Variants in SPDYE12 observed in about 807,000 individuals in gnomAD.
SPDYE12 encodes speedy protein E12.
At chr7:74,906,319 C>T in the SPDYE12 span, among the ~76,000 whole-genome samples, 4 of 129,998 alleles carry the variant, frequency 3.1e-5, no homozygotes, top group South Asian at 7.2e-4. Flanking sequence ...TGAACCTCCC[C>T]GAACTCAGTA....
chr7:74,909,032 G>GTTTTTTTTTTTTTTT, the SPDYE12 span, among the ~76,000 whole-genome samples: 1 of 30,336 alleles, frequency 3.3e-5, no homozygotes, highest in Non-Finnish European at 6.2e-5. Context: ...TTTTTTGCCT[G>GTTTTTTTTTTTTTTT]GTTTTTTTTT....
the SPDYE12 span, among the ~76,000 whole-genome samples, chr7:74,905,977 A>G: frequency 6.7e-6 from 1 of 149,982 alleles, no homozygotes; most frequent in Non-Finnish European, 1.5e-5. Context: ...CCAAAACTTA[A>G]TACACCCAAG....
the SPDYE12 span, among the ~76,000 whole-genome samples, chr7:74,912,863 G>A: frequency 5.6e-5 from 6 of 106,486 alleles, no homozygotes; most frequent in East Asian, 3.6e-4. Context: ...GCACGATCTC[G>A]GCTCACTGCA....
the SPDYE12 span, among the ~76,000 whole-genome samples, chr7:74,908,033 C>G: frequency 6.6e-6 from 1 of 150,894 alleles, no homozygotes; most frequent in Non-Finnish European, 1.5e-5. Flanking sequence ...ATCCCAATGT[C>G]ACGTTATAAT....
At chr7:74,907,714 C>T in the SPDYE12 span, among the ~76,000 whole-genome samples, 1 of 148,708 alleles carries the variant, frequency 6.7e-6, no homozygotes, top group African/African-American at 2.5e-5. Flanking sequence ...CTGAGAGACA[C>T]AGCAACACTC....
At chr7:74,909,048 T>C in the SPDYE12 span, among the ~76,000 whole-genome samples, 4 of 143,928 alleles carry the variant, frequency 2.8e-5, no homozygotes, top group African/African-American at 1.1e-4. Flanking sequence ...TTTTTTTTTT[T>C]TTGGCTTTTT....
At chr7:74,906,164 C>T in the SPDYE12 span, among the ~76,000 whole-genome samples, 3 of 129,194 alleles carry the variant, frequency 2.3e-5, 1 homozygote, top group African/African-American at 1.1e-4. Context: ...TCACGAACCA[C>T]GAGTCCAGAA....
At chr7:74,909,373 A>C in the SPDYE12 span, 1 of 1,452,114 alleles carries the variant, frequency 6.9e-7, no homozygotes, top group Non-Finnish European at 9.6e-7. Flanking sequence ...TTTTAGAAAT[A>C]ACAGTCTAAG....
At chr7:74,909,384 A>G in the SPDYE12 span, 2 of 1,435,046 alleles carry the variant, frequency 1.4e-6, no homozygotes, top group Non-Finnish European at 1.9e-6. Flanking sequence ...ACAGTCTAAG[A>G]TACTATAATC....
chr7:74,914,858 G>T, the SPDYE12 span, among the ~76,000 whole-genome samples: 1 of 150,698 alleles, frequency 6.6e-6, no homozygotes, highest in East Asian at 2.0e-4. Flanking sequence ...GGGAGGCGGA[G>T]GTTGCAGTGA....
the SPDYE12 span, among the ~76,000 whole-genome samples, chr7:74,908,713 G>C: frequency 1.8e-4 from 19 of 104,280 alleles, 1 homozygote; most frequent in Middle Eastern, 0.011. Context: ...TCATTCTGTC[G>C]CCCAGGCTGG....
At chr7:74,910,659 A>G in the SPDYE12 span, among the ~76,000 whole-genome samples, 1 of 151,428 alleles carries the variant, frequency 6.6e-6, no homozygotes, top group Non-Finnish European at 1.5e-5. Flanking sequence ...ACTGCCCTTC[A>G]GCCTGGGCAA....
the SPDYE12 span, among the ~76,000 whole-genome samples, chr7:74,907,732 G>GATAAATAA: frequency 0.014 from 1,802 of 131,678 alleles, 42 homozygotes; most frequent in African/African-American, 0.036. Context: ...CTCTTGTCTT[G>GATAAATAA]ATAAATAAAT....
At chr7:74,909,746 G>A in the SPDYE12 span, 1 of 983,940 alleles carries the variant, frequency 1.0e-6, no homozygotes, top group Non-Finnish European at 1.6e-6. Flanking sequence ...GTGCTCATGT[G>A]GAAATTGCGG....
chr7:74,908,661 C>CTTTTTTTTTTTTTTT, the SPDYE12 span, among the ~76,000 whole-genome samples: 57 of 58,604 alleles, frequency 9.7e-4, 1 homozygote, highest in Non-Finnish European at 1.3e-3. Context: ...GTTTTTTGTT[C>CTTTTTTTTTTTTTTT]TTTTTTTTTT....
chr7:74,912,435 C>A, the SPDYE12 span, among the ~76,000 whole-genome samples: 3 of 30,102 alleles, frequency 1.0e-4, no homozygotes, highest in African/African-American at 3.4e-4. Flanking sequence ...CTTGCTTTGT[C>A]ACCCAGGCTG....
the SPDYE12 span, among the ~76,000 whole-genome samples, chr7:74,904,567 A>G: frequency 6.6e-6 from 1 of 151,644 alleles, no homozygotes; most frequent in Non-Finnish European, 1.5e-5. Flanking sequence ...TAAGTATCAT[A>G]GATAAAAACC....
At chr7:74,908,145 T>G in the SPDYE12 span, among the ~76,000 whole-genome samples, 1 of 141,078 alleles carries the variant, frequency 7.1e-6, no homozygotes, top group Non-Finnish European at 1.6e-5. Flanking sequence ...GGTCCTTCCC[T>G]TCAGAACCAC....
the SPDYE12 span, among the ~76,000 whole-genome samples, chr7:74,908,531 C>T: frequency 7.3e-5 from 9 of 123,796 alleles, no homozygotes; most frequent in Admixed American, 4.4e-4. Context: ...ATGGCTTTTG[C>T]GGTTGATGTG....
Sources: allele counts gnomAD v4.1 joint callset (sites outside exome capture counted in the v4.1 genomes callset), GRCh38; gene constraint gnomAD v4.1.1; transcripts MANE v1.5; gene names NCBI Gene and HGNC (gene_info 2026-07-23, HGNC 2026-07-21).